Variants in ZNF385B observed in about 807,000 individuals in gnomAD.
The protein encoded by ZNF385B is zinc finger protein 385B.
ZNF385B carries 23 observed loss-of-function variants against 39.2 expected under a neutral mutation model. The ratio of observed to expected loss-of-function variants is 0.59; its 90% CI spans 0.42 to 0.83. The LOEUF is 0.83. Among genes scored for constraint, ZNF385B ranks in the 40% least tolerant of loss-of-function variants. The probability of loss-of-function intolerance (pLI) is 0.00; values close to 1 mark genes in which losing one functional copy is unlikely to be tolerated. For synonymous variants in ZNF385B, 205 were observed against 222.6 expected, an observed-to-expected ratio of 0.92 and a Z score of 0.70; for missense variants, 552 against 598.9, an observed-to-expected ratio of 0.92 and a Z score of 0.82.
intron 6 of ZNF385B, among the ~76,000 whole-genome samples, chr2:179,452,237 C>G (rs1038158865): frequency 2.0e-5 from 3 of 152,096 alleles, no homozygotes; most frequent in African/African-American, 7.2e-5. Flanking sequence ...CTTGAAAACT[C>G]TTTTCTTTGA....
chr2:179,596,604 T>A (rs1688017830), intron 3 of ZNF385B, among the ~76,000 whole-genome samples: 1 of 152,194 alleles, frequency 6.6e-6, no homozygotes, highest in South Asian at 2.1e-4. Flanking sequence ...TGGTATCTAT[T>A]AGGCACAACT....
At chr2:179,642,199 T>G (rs1692325339) in intron 3 of ZNF385B, among the ~76,000 whole-genome samples, 1 of 152,176 alleles carries the variant, frequency 6.6e-6, no homozygotes, top group Non-Finnish European at 1.5e-5. Flanking sequence ...TCTCACGGAA[T>G]CATTTGGTCT....
Position 179,754,084 on chromosome 2 carries a change from CTTA to C in ZNF385B, c.298+15416_298+15418del, listed in dbSNP as rs1189342801. On this transcript the variant is annotated intron_variant, in intron 3 of 9. Transcript: ENST00000410066. ...GGCTGTGGGTTTGTCATAAATAGCTCTTATTATTTTCAGATACGTCCCATCAAT... is the reference window on the plus strand; with the variant it reads ...GGCTGTGGGTTTGTCATAAATAGCTCTTATTTTCAGATACGTCCCATCAAT... Among the ~76,000 whole-genome samples, 11 of 152,182 alleles carry C rather than the reference CTTA, an allele frequency of 7.2e-5. No homozygotes were observed. The South Asian group carries it at 1.2e-3, about 17-fold the overall frequency.
chr2:179,494,991 A>G (rs1368124572), intron 5 of ZNF385B, among the ~76,000 whole-genome samples: 4 of 152,178 alleles, frequency 2.6e-5, no homozygotes, highest in Non-Finnish European at 5.9e-5. Context: ...AGGGAAAAGT[A>G]AAGGCGACTT....
intron 3 of ZNF385B, among the ~76,000 whole-genome samples, chr2:179,712,450 G>A (rs1166504529): frequency 6.6e-6 from 1 of 152,164 alleles, no homozygotes; most frequent in African/African-American, 2.4e-5. Flanking sequence ...GTATAAGCCC[G>A]AAATACAGAC....
intron 3 of ZNF385B, among the ~76,000 whole-genome samples, chr2:179,747,142 C>T (rs764726942): frequency 4.6e-5 from 7 of 152,102 alleles, no homozygotes; most frequent in Non-Finnish European, 1.0e-4. Context: ...TGAGATGACA[C>T]ATTTAGAAGT....
At position 179,513,962 on chromosome 2, in the gene ZNF385B, G is replaced by C. The variant is rs1291135429; in HGVS notation, c.552+4566C>G. 2.0e-5 allele frequency: 3 copies of C among 152,214 alleles called. No homozygotes were observed. The East Asian group carries it at 5.8e-4, about 29-fold the overall frequency. 9.4% of individuals were successfully genotyped at this position (152,214 alleles called of 1,614,324 possible). A position where few individuals can be genotyped will look rare whatever the true frequency, so the allele number is the denominator to read the frequency against. Reference sequence around the variant, plus strand: ...TGTCAAAAGATGAGAACCAATTTAAGTGTCCACCTGTAAGGGATGAGTTAA... The same window carrying C: ...TGTCAAAAGATGAGAACCAATTTAACTGTCCACCTGTAAGGGATGAGTTAA... On this transcript the variant is annotated intron_variant, in intron 5 of 9. Transcript: ENST00000410066.
chr2:179,840,015 G>C (rs1273057521), intron 1 of ZNF385B, among the ~76,000 whole-genome samples: 2 of 152,198 alleles, frequency 1.3e-5, no homozygotes, highest in East Asian at 3.8e-4. Flanking sequence ...ATACAAAGAG[G>C]TCAGCTTCCC....
chr2:179,483,793 T>C (rs2054271065), intron 5 of ZNF385B, among the ~76,000 whole-genome samples: 2 of 152,336 alleles, frequency 1.3e-5, no homozygotes, highest in South Asian at 4.1e-4. Context: ...TTGAGTGTCC[T>C]ACCCATGCCT....
At chr2:179,838,175 C>T (rs1056989868) in intron 1 of ZNF385B, among the ~76,000 whole-genome samples, 4 of 152,140 alleles carry the variant, frequency 2.6e-5, no homozygotes, top group Admixed American at 6.5e-5. Context: ...CAATGCTGTG[C>T]TTGTTTTTAA....
rs545690375 is a variant in ZNF385B, at chr2:179,606,730, C to A, written c.299-61761G>T. Among the ~76,000 whole-genome samples the A allele has an allele frequency of 2.6e-5, 4 of 152,144 alleles. No individual in the cohort carries two copies. The South Asian group carries it at 6.2e-4, about 24-fold the overall frequency. On this transcript the variant is annotated intron_variant, in intron 3 of 9. Coordinates refer to ENST00000410066, the MANE Select transcript of ZNF385B (RefSeq NM_152520.6). ...TTATAAAAGCAGTACAGCTTTATCA[C>A]CGAAATTTTGAAAAGCAGAGGAAAT...
chr2:179,782,697 TG>T (rs1450400989), intron 1 of ZNF385B, among the ~76,000 whole-genome samples: 1 of 151,990 alleles, frequency 6.6e-6, no homozygotes, highest in Non-Finnish European at 1.5e-5. Context: ...ATAGCCAAAT[TG>T]AGAGCCAAAT....
intron 1 of ZNF385B, among the ~76,000 whole-genome samples, chr2:179,831,645 A>G (rs1323672241): frequency 2.0e-5 from 3 of 152,238 alleles, no homozygotes; most frequent in Non-Finnish European, 2.9e-5. Context: ...TTGCAAGCAG[A>G]TACCAGTGCT....
At chr2:179,504,211 A>C (rs971659629) in intron 5 of ZNF385B, among the ~76,000 whole-genome samples, 13 of 151,858 alleles carry the variant, frequency 8.6e-5, no homozygotes, top group African/African-American at 2.9e-4. Context: ...TGAACTCATC[A>C]TTTTTTATGG....
At chr2:179,802,255 C>T (rs1706080854) in intron 1 of ZNF385B, among the ~76,000 whole-genome samples, 1 of 152,054 alleles carries the variant, frequency 6.6e-6, no homozygotes, top group Non-Finnish European at 1.5e-5. Context: ...CTTCCTTATG[C>T]ATCCTGTTGG....
At chr2:179,460,880 A>G (rs1193509118) in intron 6 of ZNF385B, among the ~76,000 whole-genome samples, 5 of 152,164 alleles carry the variant, frequency 3.3e-5, no homozygotes, top group African/African-American at 1.2e-4. Flanking sequence ...GATTCGAGTA[A>G]TTACTCCCAT....
At chr2:179,807,893 TGAAAGAAAGAAAGAAAGAAA>T (rs139866166) in intron 1 of ZNF385B, among the ~76,000 whole-genome samples, 13 of 123,634 alleles carry the variant, frequency 1.1e-4, no homozygotes, top group East Asian at 9.1e-4. Flanking sequence ...AGACTCCGTC[TGAAAGAAAGAAAGAAAGAAA>T]GAAAGAAAGA....
chr2:179,789,836 T>C (rs1705220046), intron 1 of ZNF385B, among the ~76,000 whole-genome samples: 1 of 152,040 alleles, frequency 6.6e-6, no homozygotes, highest in African/African-American at 2.4e-5. Flanking sequence ...TATTTGGGGA[T>C]GGGAGGGCGG....
chr2:179,692,582 C>G (rs911210896), intron 3 of ZNF385B, among the ~76,000 whole-genome samples: 2 of 152,202 alleles, frequency 1.3e-5, no homozygotes, highest in African/African-American at 4.8e-5. Flanking sequence ...TTACGTTTCA[C>G]AAAGTGCTTT....
Sources: allele counts gnomAD v4.1 joint callset (sites outside exome capture counted in the v4.1 genomes callset), GRCh38; gene constraint gnomAD v4.1.1; transcripts MANE v1.5; gene names NCBI Gene and HGNC (gene_info 2026-07-23, HGNC 2026-07-21).